The following DGKD variants were observed in gnomAD, a reference collection of about 807,000 sequenced individuals.
DGKD encodes the protein DAG kinase delta.
Under a neutral mutation model 154.4 loss-of-function variants are expected in DGKD, and 68 were observed. The ratio of observed to expected loss-of-function variants is 0.44; its 90% confidence interval spans 0.36 to 0.54. DGKD has a LOEUF of 0.54. Ranked by LOEUF, DGKD falls within the 20% of genes least tolerant of loss-of-function variation. The probability of loss-of-function intolerance (pLI) is 0.00; values close to 1 mark genes in which losing one functional copy is unlikely to be tolerated. For missense variants in DGKD, 1,343 were observed against 1,593.6 expected (o/e 0.84, Z 2.68); for synonymous variants, 693 against 638.0 (o/e 1.09, Z -1.30).
At chr2:233,359,562 T>C (rs972314445) in intron 1 of DGKD, among the ~76,000 whole-genome samples, 2 of 151,748 alleles carry the variant, frequency 1.3e-5, no homozygotes, top group Admixed American at 6.6e-5. Context: ...CTCAGGCTGG[T>C]CTGAGTCTCC....
At chr2:233,466,624 C>G (rs1412419345) in intron 27 of DGKD, among the ~76,000 whole-genome samples, 2 of 152,152 alleles carry the variant, frequency 1.3e-5, no homozygotes, top group East Asian at 3.9e-4. Context: ...TTCACCCTTC[C>G]TCTGCTCTTC....
rs752713558 is a variant in DGKD, at chr2:233,449,240, C to T, written c.1752C>T (p.Cys584=). The T allele has an allele frequency of 1.5e-5, 24 of 1,613,750 alleles. No individual in the cohort carries two copies. Among genetic ancestry groups the T allele is most frequent in the Middle Eastern group, 1.7e-4 (1 of 6,044 alleles). The change falls in exon 15 of 30, where the codon TGC becomes TGT. Residue 584 remains cysteine (C), a synonymous_variant. Coordinates refer to ENST00000264057, the MANE Select transcript of DGKD (RefSeq NM_152879.3). The surrounding 1 kb of genome is among the most constrained non-coding windows in gnomAD (Gnocchi z 5.3). ...ATGGAGATGGGTCGGGCAGCATCTG[C>T]GGTTCCACCGGAGACCGCTTGGTGG... ...AEDGDGSGSI[C]GSTGDRLVAS...
chr2:233,388,454 G>A, intron 2 of DGKD, 87 bp downstream of exon 2: 2 of 1,305,916 alleles, frequency 1.5e-6, no homozygotes, highest in Non-Finnish European at 2.1e-6. Context: ...CCTTGTGTGG[G>A]AAAAGCTTCA....
At chr2:233,383,292 C>G (rs373298431) in intron 1 of DGKD, among the ~76,000 whole-genome samples, 1 of 152,158 alleles carries the variant, frequency 6.6e-6, no homozygotes, top group Non-Finnish European at 1.5e-5. Flanking sequence ...CCACCTGCTT[C>G]GGCCTTCCAA....
At chr2:233,407,592 C>A (rs79211701) in intron 3 of DGKD, among the ~76,000 whole-genome samples, 1 of 152,078 alleles carries the variant, frequency 6.6e-6, no homozygotes, top group Non-Finnish European at 1.5e-5. Flanking sequence ...ATAACAAGAT[C>A]CTGTCTCTAC....
At chr2:233,370,430 G>A (rs1702252257) in intron 1 of DGKD, among the ~76,000 whole-genome samples, 1 of 151,778 alleles carries the variant, frequency 6.6e-6, no homozygotes, top group African/African-American at 2.4e-5. Context: ...TGGCCAGGCT[G>A]GTCTCCCAAT....
intron 18 of DGKD, among the ~76,000 whole-genome samples, chr2:233,453,629 C>A (rs1488642290): frequency 6.6e-6 from 1 of 152,250 alleles, no homozygotes; most frequent in Non-Finnish European, 1.5e-5. Flanking sequence ...CATTGAGTTT[C>A]TTTGGGAACT....
Position 233,433,300 on chromosome 2 carries a change from A to G in DGKD, c.349-1080A>G, listed in dbSNP as rs539305935. The stretch of plus-strand genomic sequence containing the variant: ...TGTCATTTGCCACAACATGGATGGA[A>G]CAGGAGGACCCTTAATGTTAAGTGA... On this transcript the variant is annotated intron_variant, in intron 3 of 29. Transcript: ENST00000264057. 4.6e-5 allele frequency among the ~76,000 whole-genome samples: 7 copies of G among 152,364 alleles called. No homozygotes were observed. The South Asian group carries it at 1.2e-3, about 27-fold the overall frequency.
In DGKD at chr2:233,374,402, A is replaced by G. The variant is rs192432060; in HGVS notation, c.157-13855A>G. 3.7e-4 allele frequency among the ~76,000 whole-genome samples: 57 copies of G among 152,190 alleles called. No individual in the cohort carries two copies. In the East Asian group the frequency reaches 0.011, roughly 28 times the overall value. On this transcript the variant is annotated intron_variant, in intron 1 of 29. Coordinates refer to ENST00000264057, the MANE Select transcript of DGKD (RefSeq NM_152879.3). ...CAGGCTGGAGTGCAGTGGTGCCATC[A>G]TCACTCACTGCAGCCTTGGACTCTT... is the stretch of plus-strand genomic sequence containing the variant.
chr2:233,376,423 G>A (rs566694109), intron 1 of DGKD, among the ~76,000 whole-genome samples: 4 of 152,018 alleles, frequency 2.6e-5, no homozygotes, highest in Non-Finnish European at 5.9e-5. Context: ...AGTAAAATGG[G>A]GCTATAACTA....
rs1248608326 is a variant in DGKD, at chr2:233,445,669, G to A, written c.1241G>A (p.Arg414Gln). Reference sequence around the variant, plus strand: ...CTCGGCACAGGGAACGACTTGGCCCGAGTACTGGGCTGGGGCTCAGCCTGC... The same window carrying A: ...CTCGGCACAGGGAACGACTTGGCCCAAGTACTGGGCTGGGGCTCAGCCTGC... ...LPLGTGNDLA[R>Q]VLGWGSACDD... The change falls in exon 11 of 30, where the codon CGA becomes CAA. Residue 414 changes from arginine to glutamine, a missense_variant. Around this residue, in one of 6 missense-constraint regions of DGKD, gnomAD observed 56 missense variants for 111.1 expected, o/e 0.50. Transcript: ENST00000264057. This position sits in a 1 kb window ranked among gnomAD's most constrained non-coding sequence, Gnocchi z 5.5. 2.5e-6 allele frequency: 4 copies of A among 1,613,258 alleles called. No homozygotes were observed. Among genetic ancestry groups the A allele is most frequent in the Admixed American group, 1.7e-5 (1 of 59,896 alleles).
At chr2:233,399,052 CT>C (rs757173416) in intron 3 of DGKD, among the ~76,000 whole-genome samples, 2 of 152,286 alleles carry the variant, frequency 1.3e-5, no homozygotes, top group Admixed American at 6.5e-5. Flanking sequence ...CCCATGTTCT[CT>C]TTTGATGAAG....
In DGKD at chr2:233,437,459, T is replaced by C; in HGVS notation, c.902T>C (p.Leu301Pro). The stretch of plus-strand genomic sequence containing the variant: ...GTGTCAGTCATCCCACCCACGGCTC[T>C]CAACAGCATCGACTCCGATGGTGGG... ...CKVSVIPPTA[L>P]NSIDSDGFWK... is the part of the protein sequence containing the mutation. The change falls in exon 8 of 30, where the codon CTC becomes CCC. Residue 301 changes from leucine to proline, a missense_variant. Transcript: ENST00000264057. 1 of 1,614,214 alleles carries C rather than the reference T, an allele frequency of 6.2e-7. No individual in the cohort carries two copies. The highest frequency in any genetic ancestry group is 1.1e-5 in the South Asian group (1 of 91,056).
chr2:233,413,923 A>G (rs779534611), intron 3 of DGKD, among the ~76,000 whole-genome samples: 5 of 152,252 alleles, frequency 3.3e-5, no homozygotes, highest in Non-Finnish European at 5.9e-5. Flanking sequence ...CATTTTTACA[A>G]TGTACTTGAA....
Position 233,450,106 on chromosome 2 carries a change from C to A in DGKD, c.2013C>A (p.Val671=). The A allele has an allele frequency of 6.8e-6, 11 of 1,612,786 alleles. No homozygotes were observed. Among genetic ancestry groups the A allele is most frequent in the Non-Finnish European group, 8.5e-6 (10 of 1,179,374 alleles). The change falls in exon 16 of 30, where the codon GTC becomes GTA. Residue 671 remains valine, a synonymous_variant. Coordinates refer to ENST00000264057, the MANE Select transcript of DGKD (RefSeq NM_152879.3). ...PPLSHSESFG[V]PKGRSQRKVS... The stretch of plus-strand genomic sequence containing the variant: ...TGTCCCACAGCGAGAGCTTCGGGGT[C>A]CCCAAGGGGAGGAGCCAGCGCAAAG...
intron 1 of DGKD, among the ~76,000 whole-genome samples, chr2:233,358,993 T>G (rs1018263118): frequency 6.6e-6 from 1 of 152,236 alleles, no homozygotes; most frequent in African/African-American, 2.4e-5. Context: ...CATTTTACAT[T>G]CCCACCAGCT....
chr2:233,468,020 G>A (rs1426543370), intron 28 of DGKD, among the ~76,000 whole-genome samples: 2 of 152,086 alleles, frequency 1.3e-5, no homozygotes, highest in Non-Finnish European at 1.5e-5. Context: ...ATTTGGTGGT[G>A]GTAAATCCCT....
intron 3 of DGKD, among the ~76,000 whole-genome samples, chr2:233,421,748 GC>G (rs1317855795): frequency 6.6e-6 from 1 of 152,142 alleles, no homozygotes; most frequent in Non-Finnish European, 1.5e-5. Flanking sequence ...TTTCCATAGG[GC>G]TTGTCACCAG....
intron 3 of DGKD, among the ~76,000 whole-genome samples, chr2:233,412,358 A>G (rs989838474): frequency 7.9e-5 from 12 of 152,124 alleles, no homozygotes; most frequent in African/African-American, 2.7e-4. Context: ...ATTCATTTCA[A>G]TGTAATTTAT....
Sources: allele counts gnomAD v4.1 joint callset (sites outside exome capture counted in the v4.1 genomes callset), GRCh38; gene constraint gnomAD v4.1.1; regional missense constraint gnomAD v4.1.1; non-coding constraint Gnocchi (gnomAD v3.1); transcripts MANE v1.5; gene names NCBI Gene and HGNC (gene_info 2026-07-23, HGNC 2026-07-21).